DPP10: variants seen among roughly 807,000 people sequenced by gnomAD.
DPP10 encodes the protein inactive dipeptidyl peptidase 10.
DPP10 carries 33 observed loss-of-function variants against 120.9 expected under a neutral mutation model. The ratio of observed to expected loss-of-function variants is 0.27; its 90% CI spans 0.21 to 0.37. DPP10 has a LOEUF of 0.37. DPP10 is among the 10% of genes least tolerant of loss of function. DPP10 has a pLI of 1.00. For synonymous variants in DPP10, 337 were observed against 326.1 expected, an observed-to-expected ratio of 1.03 and a Z score of -0.36; for missense variants, 816 against 942.8, an observed-to-expected ratio of 0.87 and a Z score of 1.76.
At chr2:114,786,746 G>C (rs990339174) in intron 1 of DPP10, among the ~76,000 whole-genome samples, 1 of 152,168 alleles carries the variant, frequency 6.6e-6, no homozygotes. Flanking sequence ...TCATATCAAA[G>C]TGAAGTAAAG....
chr2:114,949,517 T>G (rs898859155), intron 1 of DPP10, among the ~76,000 whole-genome samples: 3 of 152,208 alleles, frequency 2.0e-5, no homozygotes, highest in African/African-American at 7.2e-5. Context: ...GCTAGCTTAT[T>G]AAAACACAGA....
At chr2:114,695,198 T>G (rs1385722465) in intron 1 of DPP10, among the ~76,000 whole-genome samples, 1 of 152,076 alleles carries the variant, frequency 6.6e-6, no homozygotes, top group African/African-American at 2.4e-5. Flanking sequence ...TGATCATTAT[T>G]AATAGTGGTA....
chr2:115,052,381 T>C (rs1301240316), intron 1 of DPP10, among the ~76,000 whole-genome samples: 1 of 151,778 alleles, frequency 6.6e-6, no homozygotes, highest in Non-Finnish European at 1.5e-5. Flanking sequence ...ATCAAGGAAG[T>C]AAAAAAAGAC....
At position 115,275,738 on chromosome 2, in the gene DPP10, C is replaced by A. The variant is rs190688321; in HGVS notation, c.61-33501C>A. On this transcript the variant is annotated intron_variant, in intron 1 of 25. Coordinates refer to ENST00000410059, the MANE Select transcript of DPP10 (RefSeq NM_020868.6). ...TTTTTGAGACGGAGTCTCGCTCTGT[C>A]GCCCAGGCTGGGGCGCAGTGGCCTG... Among the ~76,000 whole-genome samples the A allele has an allele frequency of 1.4e-3, 185 of 132,032 alleles. 5 individuals are homozygous for A. The Admixed American group carries it at 0.016, about 12-fold the overall frequency. 86.6% of individuals were successfully genotyped at this position (132,032 alleles called of 152,430 possible).
intron 5 of DPP10, among the ~76,000 whole-genome samples, chr2:115,548,140 T>C (rs1371174704): frequency 1.3e-5 from 2 of 152,196 alleles, no homozygotes; most frequent in Non-Finnish European, 2.9e-5. Context: ...GAAGAAATTA[T>C]GTGCTGAAGG....
intron 1 of DPP10, among the ~76,000 whole-genome samples, chr2:114,931,129 C>T (rs780646320): frequency 1.8e-4 from 27 of 152,214 alleles, no homozygotes; most frequent in South Asian, 4.1e-4. Flanking sequence ...CCCATCAACC[C>T]GTTCCAAAAC....
chr2:115,014,138 A>G (rs1318546772), intron 1 of DPP10, among the ~76,000 whole-genome samples: 1 of 152,178 alleles, frequency 6.6e-6, no homozygotes, highest in Non-Finnish European at 1.5e-5. Context: ...AATCATAACA[A>G]ACAGTCTCTC....
At chr2:115,046,449 G>C (rs1197490240) in intron 1 of DPP10, among the ~76,000 whole-genome samples, 1 of 152,124 alleles carries the variant, frequency 6.6e-6, no homozygotes, top group Admixed American at 6.6e-5. Flanking sequence ...CTCTGCTTGG[G>C]TAAGGAAATA....
chr2:114,905,723 T>C (rs1158182115), intron 1 of DPP10, among the ~76,000 whole-genome samples: 3 of 152,198 alleles, frequency 2.0e-5, no homozygotes, highest in Non-Finnish European at 2.9e-5. Flanking sequence ...TATTTTTTTA[T>C]TTTTTGTAGA....
Position 114,593,370 on chromosome 2 carries a change from T to G in DPP10, c.60+150532T>G, listed in dbSNP as rs1297867248. ...AGCTCCACTGCTTTTATTCACTGAGTGCTAAGAGCAGCTTTGCATAGGATG... is the reference window on the plus strand; with the variant it reads ...AGCTCCACTGCTTTTATTCACTGAGGGCTAAGAGCAGCTTTGCATAGGATG... On this transcript the variant is annotated intron_variant, in intron 1 of 25. Coordinates refer to ENST00000410059, the MANE Select transcript of DPP10 (RefSeq NM_020868.6). Among the ~76,000 whole-genome samples, 5 of 152,054 alleles carry G rather than the reference T, an allele frequency of 3.3e-5. No homozygotes were observed. In the East Asian group the frequency reaches 7.7e-4, roughly 23 times the overall value.
intron 12 of DPP10, among the ~76,000 whole-genome samples, chr2:115,765,567 A>G (rs986708451): frequency 6.6e-6 from 1 of 152,156 alleles, no homozygotes; most frequent in Admixed American, 6.6e-5. Context: ...GATGAAAACA[A>G]GATAGTTTTT....
chr2:115,188,622 A>G (rs2054640757), intron 1 of DPP10, among the ~76,000 whole-genome samples: 1 of 152,240 alleles, frequency 6.6e-6, no homozygotes, highest in African/African-American at 2.4e-5. Context: ...AGATATAGGA[A>G]TTTATACTAC....
At chr2:115,314,175 G>A (rs2061691206) in intron 2 of DPP10, among the ~76,000 whole-genome samples, 1 of 152,160 alleles carries the variant, frequency 6.6e-6, no homozygotes, top group African/African-American at 2.4e-5. Flanking sequence ...GAGTCAGAAT[G>A]CAGTTGATAC....
chr2:114,656,130 T>C (rs1405224092), intron 1 of DPP10, among the ~76,000 whole-genome samples: 2 of 152,186 alleles, frequency 1.3e-5, no homozygotes, highest in Non-Finnish European at 2.9e-5. Context: ...GAGTAATTTT[T>C]AGCAATTATT....
chr2:114,518,602 A>G (rs1684797683), intron 1 of DPP10, among the ~76,000 whole-genome samples: 1 of 152,128 alleles, frequency 6.6e-6, no homozygotes, highest in Non-Finnish European at 1.5e-5. Flanking sequence ...GTGGTGTCCT[A>G]GAAAGCCTCT....
intron 1 of DPP10, among the ~76,000 whole-genome samples, chr2:115,070,922 T>C (rs1707314335): frequency 6.6e-6 from 1 of 152,316 alleles, no homozygotes; most frequent in South Asian, 2.1e-4. Context: ...GCTTTAGGCG[T>C]GAAATTTCCC....
rs1295948852 is a variant in DPP10 at position 114,663,660 on chromosome 2, TATATATATAG to T, written c.60+220824_60+220833del. ...GTACAGATATATATATATATATATA[TATATATATAG>T]AGAGAGAGAGAGAGAGAGAGAGAGA... On this transcript the variant is annotated intron_variant, in intron 1 of 25. Coordinates refer to ENST00000410059, the MANE Select transcript of DPP10 (RefSeq NM_020868.6). 3.9e-3 allele frequency among the ~76,000 whole-genome samples: 360 copies of T among 91,494 alleles called. 1 individual carries two copies. Among genetic ancestry groups the T allele is most frequent in the South Asian group, 5.2e-3 (17 of 3,268 alleles). The allele number at this position is 91,494 out of a possible 152,430, so 60.0% of individuals were successfully genotyped here.
At chr2:115,119,977 T>C (rs2049736986) in intron 1 of DPP10, among the ~76,000 whole-genome samples, 1 of 152,238 alleles carries the variant, frequency 6.6e-6, no homozygotes, top group Non-Finnish European at 1.5e-5. Context: ...AGTTGTCTGA[T>C]GTGGTCTTGT....
intron 1 of DPP10, among the ~76,000 whole-genome samples, chr2:114,846,555 T>A (rs1008923031): frequency 2.0e-5 from 3 of 151,146 alleles, no homozygotes; most frequent in Admixed American, 2.0e-4. Context: ...GTTTCCTAAA[T>A]GTAAATTCCA....
Sources: allele counts gnomAD v4.1 joint callset (sites outside exome capture counted in the v4.1 genomes callset), GRCh38; gene constraint gnomAD v4.1.1; transcripts MANE v1.5; gene names NCBI Gene and HGNC (gene_info 2026-07-23, HGNC 2026-07-21).